Variants in PIK3CD observed in about 807,000 individuals in gnomAD.
PIK3CD encodes phosphatidylinositol-4,5-bisphosphate 3-kinase catalytic subunit delta.
In PIK3CD, 20 loss-of-function variants were observed where a neutral mutation model predicts 122.9. The ratio of observed to expected loss-of-function variants is 0.16; its 90% confidence interval spans 0.11 to 0.24. PIK3CD has a LOEUF of 0.24. PIK3CD is among the 10% of genes least tolerant of loss of function. PIK3CD has a pLI of 1.00. For missense variants in PIK3CD, 787 were observed against 1,406.3 expected (o/e 0.56, Z 7.04); for synonymous variants, 596 against 593.4 (o/e 1.00, Z -0.06).
rs1310378383 is a variant in PIK3CD, at chr1:9,689,675, C to T, written c.-137-1792C>T. Among the ~76,000 whole-genome samples, 1 of 151,208 alleles carries T rather than the reference C, an allele frequency of 6.6e-6. No homozygotes were observed. Among genetic ancestry groups the T allele is most frequent in the East Asian group, 2.0e-4 (1 of 5,108 alleles). On this transcript the variant is annotated intron_variant, in intron 1 of 23. Transcript: ENST00000377346. The surrounding 1 kb of genome is among the most constrained non-coding windows in gnomAD (Gnocchi z 6.1). ...GGACCCGCCCGCTGTGTCCCCTGGG[C>T]AACTGTCTCCAGGGAGATCGGGCCC...
chr1:9,719,609 C>T lies in PIK3CD; in HGVS notation c.1243-312C>T, dbSNP rs1368793817. On this transcript the variant is annotated intron_variant, in intron 9 of 23. Transcript: ENST00000377346. This position sits in a 1 kb window ranked among gnomAD's most constrained non-coding sequence, Gnocchi z 5.5. ...CAAGGAGGCAGAGGTTGCAATGAGC[C>T]GAGATCGTGCCACTGCACTCCAGCC... Among the ~76,000 whole-genome samples, 4 of 150,684 alleles carry T rather than the reference C, an allele frequency of 2.7e-5. No homozygotes were observed. The highest frequency in any genetic ancestry group is 9.8e-5 in the African/African-American group (4 of 40,988).
intron 2 of PIK3CD, among the ~76,000 whole-genome samples, chr1:9,701,999 GT>G (rs1287911748): frequency 5.5e-4 from 79 of 143,232 alleles, no homozygotes; most frequent in Admixed American, 7.7e-4. Flanking sequence ...TGTTTTTTTG[GT>G]TTTTTTTTTT....
At chr1:9,646,427 C>G in the PIK3CD span, among the ~76,000 whole-genome samples, 3 of 152,186 alleles carry the variant, frequency 2.0e-5, no homozygotes, top group Non-Finnish European at 4.4e-5. Context: ...GAAGCAGTGG[C>G]TCAGAACTCT....
intron 2 of PIK3CD, among the ~76,000 whole-genome samples, chr1:9,707,716 A>G (rs765724637): frequency 6.6e-6 from 1 of 152,040 alleles, no homozygotes; most frequent in Non-Finnish European, 1.5e-5. Context: ...TCTTTACACA[A>G]TGAAATATTG....
the PIK3CD span, among the ~76,000 whole-genome samples, chr1:9,640,615 T>G: frequency 6.6e-6 from 1 of 151,656 alleles, no homozygotes; most frequent in Non-Finnish European, 1.5e-5. Context: ...AAAATCAAGA[T>G]GCTGGTGTGC....
Position 9,720,442 on chromosome 1 carries a change from A to G in PIK3CD, c.1471-169A>G. On this transcript the variant is annotated intron_variant, in intron 11 of 23. Coordinates refer to ENST00000377346, the MANE Select transcript of PIK3CD (RefSeq NM_005026.5). The surrounding 1 kb of genome is among the most constrained non-coding windows in gnomAD (Gnocchi z 9.0). ...ATTTTCGGTTGTCACAGCTGCCAGGAGGGATGCTCTTGGCATCTCGTGAGT... is the reference window on the plus strand; with the variant it reads ...ATTTTCGGTTGTCACAGCTGCCAGGGGGGATGCTCTTGGCATCTCGTGAGT... 7.0e-7 allele frequency: 1 copy of G among 1,425,016 alleles called. No homozygotes were observed. Among genetic ancestry groups the G allele is most frequent in the Non-Finnish European group, 9.4e-7 (1 of 1,060,934 alleles). The allele number at this position is 1,425,016 out of a possible 1,614,324, so 88.3% of individuals were successfully genotyped here.
At chr1:9,670,133 A>G (rs1474649984) in intron 1 of PIK3CD, among the ~76,000 whole-genome samples, 3 of 148,202 alleles carry the variant, frequency 2.0e-5, no homozygotes, top group Non-Finnish European at 4.5e-5. Context: ...CTGGGTGACA[A>G]GAGAGAAATT....
upstream of PIK3CD, among the ~76,000 whole-genome samples, chr1:9,647,051 C>T (rs1184793238): frequency 6.6e-6 from 1 of 151,226 alleles, no homozygotes; most frequent in Admixed American, 6.6e-5. Context: ...GTGAAGGTTG[C>T]AGTGAGCCGA....
At chr1:9,697,327 T>C (rs1646458105) in intron 2 of PIK3CD, among the ~76,000 whole-genome samples, 1 of 152,072 alleles carries the variant, frequency 6.6e-6, no homozygotes, top group Non-Finnish European at 1.5e-5. Flanking sequence ...GGGTGTGGTA[T>C]ATATGTGGAA....
At chr1:9,714,542 C>A (rs1036071315) in intron 3 of PIK3CD, among the ~76,000 whole-genome samples, 2 of 152,158 alleles carry the variant, frequency 1.3e-5, no homozygotes, top group East Asian at 3.9e-4. Flanking sequence ...TTGACCCACA[C>A]CTGCTGCTCT....
Position 9,717,437 on chromosome 1 carries a change from C to A in PIK3CD, c.931-100C>A. The A allele has an allele frequency of 8.5e-7, 1 of 1,178,674 alleles. No individual in the cohort carries two copies. The highest frequency in any genetic ancestry group is 1.3e-6 in the Non-Finnish European group (1 of 788,498). The allele number at this position is 1,178,674 out of a possible 1,614,324, so 73.0% of individuals were successfully genotyped here. A position where few individuals can be genotyped will look rare whatever the true frequency, so the allele number is the denominator to read the frequency against. The stretch of plus-strand genomic sequence containing the variant: ...CCCAAACCTGGCCGCAAACCTGTGA[C>A]CCTCTCACCCGCCCCCAAGTGGTCA... On this transcript the variant is annotated intron_variant, in intron 7 of 23. Coordinates refer to ENST00000377346, the MANE Select transcript of PIK3CD (RefSeq NM_005026.5). The surrounding 1 kb of genome is among the most constrained non-coding windows in gnomAD (Gnocchi z 5.4).
At chr1:9,692,964 C>A (rs979901216) in intron 2 of PIK3CD, among the ~76,000 whole-genome samples, 1 of 152,108 alleles carries the variant, frequency 6.6e-6, no homozygotes, top group Non-Finnish European at 1.5e-5. Context: ...AGAATTTCTT[C>A]CACACATCTA....
chr1:9,637,288 G>A, the PIK3CD span, among the ~76,000 whole-genome samples: 1 of 145,780 alleles, frequency 6.9e-6, no homozygotes. Flanking sequence ...CCAGTGCTAT[G>A]GGAGGCTGAG....
intron 1 of PIK3CD, among the ~76,000 whole-genome samples, chr1:9,673,356 T>C (rs1160626892): frequency 6.6e-6 from 1 of 152,058 alleles, no homozygotes; most frequent in East Asian, 1.9e-4. Context: ...GCCTCTCTGG[T>C]TCAAGCAAAC....
chr1:9,640,341 A>T, the PIK3CD span, among the ~76,000 whole-genome samples: 1 of 152,038 alleles, frequency 6.6e-6, no homozygotes, highest in Non-Finnish European at 1.5e-5. Flanking sequence ...GCACTTTGGG[A>T]GGCCAAGGCA....
the PIK3CD span, among the ~76,000 whole-genome samples, chr1:9,637,534 C>G: frequency 1.3e-5 from 2 of 151,904 alleles, no homozygotes; most frequent in Non-Finnish European, 2.9e-5. Context: ...AGTAAATACA[C>G]AACAGCCAGT....
At chr1:9,691,631 A>G (rs1250972294) in intron 2 of PIK3CD, 60 bp downstream of exon 2, 1 of 398,174 alleles carries the variant, frequency 2.5e-6, no homozygotes, top group African/African-American at 2.1e-5. Flanking sequence ...TATTTTGTAG[A>G]TAGGTTAAGA....
chr1:9,709,874 C>T (rs1570332846), intron 2 of PIK3CD, among the ~76,000 whole-genome samples: 1 of 152,156 alleles, frequency 6.6e-6, no homozygotes, highest in African/African-American at 2.4e-5. Flanking sequence ...GATGTGGTAA[C>T]GCATGCCTGT....
At position 9,717,028 on chromosome 1, in the gene PIK3CD, G is replaced by A. The variant is rs767202630; in HGVS notation, c.850G>A (p.Ala284Thr). The A allele has an allele frequency of 2.5e-6, 4 of 1,613,812 alleles. No homozygotes were observed. Among genetic ancestry groups the A allele is most frequent in the South Asian group, 1.1e-5 (1 of 91,078 alleles). Residue 284 changes from alanine (A) to threonine (T), a missense_variant, in exon 7 of 24, where the codon GCC becomes ACC. Around this residue, in one of 6 missense-constraint regions of PIK3CD, gnomAD observed 592 missense variants for 920.6 expected, o/e 0.64. Coordinates refer to ENST00000377346, the MANE Select transcript of PIK3CD (RefSeq NM_005026.5). This position sits in a 1 kb window ranked among gnomAD's most constrained non-coding sequence, Gnocchi z 5.4. ...CATGGTCCATTCCTCCTCCATCCTCGCCATGCGGGATGAGCAGAGCAACCC... is the reference window on the plus strand; with the variant it reads ...CATGGTCCATTCCTCCTCCATCCTCACCATGCGGGATGAGCAGAGCAACCC... ...LTMVHSSSILAMRDEQSNPAP... is the reference protein window; with the variant it reads ...LTMVHSSSILTMRDEQSNPAP...
Sources: allele counts gnomAD v4.1 joint callset (sites outside exome capture counted in the v4.1 genomes callset), GRCh38; gene constraint gnomAD v4.1.1; regional missense constraint gnomAD v4.1.1; non-coding constraint Gnocchi (gnomAD v3.1); transcripts MANE v1.5; gene names NCBI Gene and HGNC (gene_info 2026-07-23, HGNC 2026-07-21).